The following PSD3 variants were observed in gnomAD, a reference collection of about 807,000 sequenced individuals.
PSD3 encodes PH and SEC7 domain-containing protein 3.
Under a neutral mutation model 105.5 loss-of-function variants are expected in PSD3, and 49 were observed. The observed-to-expected ratio is 0.46, with a 90% CI of 0.37 to 0.59. The LOEUF is 0.59. Among genes scored for constraint, PSD3 ranks in the 20% least tolerant of loss-of-function variants. The pLI is 0.00. For synonymous variants in PSD3, 557 were observed against 457.8 expected, an observed-to-expected ratio of 1.22 and a Z score of -2.77; for missense variants, 1,561 against 1,263.8, an observed-to-expected ratio of 1.24 and a Z score of -3.57.
chr8:18,737,970 T>C (rs1233154040), intron 9 of PSD3, among the ~76,000 whole-genome samples: 5 of 152,198 alleles, frequency 3.3e-5, no homozygotes, highest in African/African-American at 1.2e-4. Context: ...AAACTGCTTA[T>C]AAATTATTTT....
intron 2 of PSD3, among the ~76,000 whole-genome samples, chr8:18,903,599 C>T (rs1343327276): frequency 1.3e-5 from 2 of 152,124 alleles, no homozygotes; most frequent in East Asian, 1.9e-4. Context: ...TTCTACTTCC[C>T]TGTTATATGG....
intron 9 of PSD3, among the ~76,000 whole-genome samples, chr8:18,674,408 T>C (rs1799959263): frequency 6.6e-6 from 1 of 152,226 alleles, no homozygotes; most frequent in Non-Finnish European, 1.5e-5. Context: ...CTGGTTTCCA[T>C]GTTTCAAAGT....
intron 14 of PSD3, among the ~76,000 whole-genome samples, chr8:18,563,004 GGCA>G (rs1334422298): frequency 6.6e-6 from 1 of 152,088 alleles, no homozygotes; most frequent in African/African-American, 2.4e-5. Context: ...TCTGCATTAC[GGCA>G]GCACTTAAAT....
intron 1 of PSD3, among the ~76,000 whole-genome samples, chr8:19,073,951 T>C (rs1329076881): frequency 2.6e-5 from 4 of 151,848 alleles, no homozygotes; most frequent in Non-Finnish European, 4.4e-5. Flanking sequence ...CCACCACGCC[T>C]GGCTAATTTT....
chr8:18,927,354 C>T (rs925528444), intron 2 of PSD3, among the ~76,000 whole-genome samples: 4 of 152,084 alleles, frequency 2.6e-5, no homozygotes, highest in East Asian at 1.9e-4. Context: ...GCTGGGATTA[C>T]AGGTTCACGC....
chr8:18,931,605 A>C (rs1821752255), intron 2 of PSD3, among the ~76,000 whole-genome samples: 1 of 152,214 alleles, frequency 6.6e-6, no homozygotes, highest in Non-Finnish European at 1.5e-5. Context: ...TTAAAATTAT[A>C]ACACATTTCC....
intron 9 of PSD3, among the ~76,000 whole-genome samples, chr8:18,758,401 G>A (rs1806233323): frequency 6.7e-6 from 1 of 149,406 alleles, no homozygotes; most frequent in Non-Finnish European, 1.5e-5. Flanking sequence ...AAGAGAGATG[G>A]GTCAGTTTTA....
intron 11 of PSD3, among the ~76,000 whole-genome samples, chr8:18,617,923 C>T (rs925888053): frequency 1.3e-5 from 2 of 152,170 alleles, no homozygotes; most frequent in African/African-American, 2.4e-5. Context: ...ATCTGCAAAG[C>T]CGTCTCTAGT....
chr8:18,927,135 C>T (rs1306875310), intron 2 of PSD3, among the ~76,000 whole-genome samples: 1 of 152,156 alleles, frequency 6.6e-6, no homozygotes, highest in Non-Finnish European at 1.5e-5. Context: ...ACTTCCAAGC[C>T]CTCCCCAGGC....
intron 12 of PSD3, among the ~76,000 whole-genome samples, chr8:18,577,313 G>C (rs1169532562): frequency 2.0e-5 from 3 of 151,902 alleles, no homozygotes; most frequent in Admixed American, 2.0e-4. Flanking sequence ...GGTTTTTCTT[G>C]TGGCCAATCA....
At chr8:18,987,794 C>A (rs561863530) in intron 1 of PSD3, among the ~76,000 whole-genome samples, 5 of 152,016 alleles carry the variant, frequency 3.3e-5, no homozygotes, top group Non-Finnish European at 7.4e-5. Context: ...GCCTAGGCAA[C>A]AGAGCAAGAC....
At chr8:18,644,031 C>G (rs1807849839) in intron 10 of PSD3, among the ~76,000 whole-genome samples, 1 of 152,174 alleles carries the variant, frequency 6.6e-6, no homozygotes, top group Admixed American at 6.5e-5. Flanking sequence ...GCACCCTGGG[C>G]CCATCCCTTG....
chr8:18,778,694 G>C (rs995758724), intron 8 of PSD3, among the ~76,000 whole-genome samples: 2 of 151,206 alleles, frequency 1.3e-5, no homozygotes, highest in Non-Finnish European at 3.0e-5. Context: ...TTTTGCATTT[G>C]AGATGCAAAA....
chr8:19,043,796 C>T (rs1828217205), intron 1 of PSD3, among the ~76,000 whole-genome samples: 1 of 152,200 alleles, frequency 6.6e-6, no homozygotes. Context: ...GTCCTTTGGT[C>T]TTGGACTTCC....
chr8:18,593,008 A>G (rs1245279054), intron 12 of PSD3, among the ~76,000 whole-genome samples: 1 of 152,200 alleles, frequency 6.6e-6, no homozygotes, highest in Admixed American at 6.5e-5. Context: ...TAGACCTAAA[A>G]CCGTAACAAC....
At position 18,804,876 on chromosome 8, in the gene PSD3, G is replaced by A. The variant is rs377004772; in HGVS notation, c.1657C>T (p.Arg553Trp). 1.7e-5 allele frequency: 28 copies of A among 1,611,586 alleles called. No homozygotes were observed. The highest frequency in any genetic ancestry group is 8.0e-5 in the African/African-American group (6 of 74,810). The change falls in exon 5 of 16, where the codon CGG becomes TGG. Residue 553 changes from arginine (R) to tryptophan (W), a missense_variant. Transcript: ENST00000327040. ...WGSNAGVKTTRLEAHSEMGST... is the reference protein window; with the variant it reads ...WGSNAGVKTTWLEAHSEMGST... The stretch of plus-strand genomic sequence containing the variant: ...CCCATTTCAGAATGAGCTTCTAGCC[G>A]TGTTGTTTTCACCCCAGCATTGCTA...
rs377694238 is a variant in PSD3 at position 18,662,317 on chromosome 8, C to T, written c.2173-6632G>A. 1.3e-4 allele frequency among the ~76,000 whole-genome samples: 20 copies of T among 152,286 alleles called. No homozygotes were observed. The East Asian group carries it at 2.7e-3, about 21-fold the overall frequency. ...CTAGGTACAGATGAATCTGTTCTGTCTTCAGAGGCCTCTTATATAAGGAAT... is the reference window on the plus strand; with the variant it reads ...CTAGGTACAGATGAATCTGTTCTGTTTTCAGAGGCCTCTTATATAAGGAAT... On this transcript the variant is annotated intron_variant, in intron 9 of 15. Transcript: ENST00000327040.
intron 10 of PSD3, among the ~76,000 whole-genome samples, chr8:18,654,588 G>A (rs1368967745): frequency 1.3e-5 from 2 of 152,098 alleles, no homozygotes; most frequent in Admixed American, 6.5e-5. Flanking sequence ...CAGTGGTATT[G>A]TTCTACGTAG....
chr8:18,730,278 T>C (rs1318421625), intron 9 of PSD3: 6 of 152,200 alleles, frequency 3.9e-5, no homozygotes, highest in Non-Finnish European at 8.8e-5. Context: ...AGCACAATCA[T>C]CAACACTGCT....
Sources: allele counts gnomAD v4.1 joint callset (sites outside exome capture counted in the v4.1 genomes callset), GRCh38; gene constraint gnomAD v4.1.1; transcripts MANE v1.5; gene names NCBI Gene and HGNC (gene_info 2026-07-23, HGNC 2026-07-21).